INSRR: variants seen among roughly 807,000 people sequenced by gnomAD.
The protein encoded by INSRR is insulin receptor related receptor.
A neutral mutation model predicts 130.0 loss-of-function variants in INSRR; 114 were observed. That is an observed-to-expected ratio of 0.88 (90% CI 0.75 to 1.02). The LOEUF is 1.02. Among genes scored for constraint, INSRR ranks in the 50% least tolerant of loss-of-function variants. The probability of loss-of-function intolerance (pLI) is 0.00; values close to 1 mark genes in which losing one functional copy is unlikely to be tolerated. For missense variants in INSRR, 1,657 were observed against 1,735.2 expected, an observed-to-expected ratio of 0.95 and a Z score of 0.80; for synonymous variants, 674 against 705.2, an observed-to-expected ratio of 0.96 and a Z score of 0.70.
rs572969335 is a variant in INSRR, at chr1:156,845,315, A to G, written c.2217-19T>C. 5.6e-6 allele frequency: 9 copies of G among 1,611,446 alleles called. No individual in the cohort carries two copies. In the South Asian group the frequency reaches 8.8e-5, roughly 16 times the overall value. ...TGAGTCCCTGGGGAGAGCGAGTCAG[A>G]GCCAAGGCCCAGCCCCCAAAGCCAC... On this transcript the variant is annotated intron_variant, in intron 11 of 21. Transcript: ENST00000368195.
In INSRR at chr1:156,840,759, C is replaced by T. The variant is rs956969953; in HGVS notation, c.*114G>A. Reference sequence around the variant, plus strand: ...CTGCTCCTGTTCTCTGCCCCACCCTCGGCCATCCCTTGCCCTGAGTTGGGG... The same window carrying T: ...CTGCTCCTGTTCTCTGCCCCACCCTTGGCCATCCCTTGCCCTGAGTTGGGG... On this transcript the variant is annotated 3_prime_UTR_variant, in exon 22 of 22. Transcript: ENST00000368195. 156 of 803,758 alleles carry T rather than the reference C, an allele frequency of 1.9e-4. No individual in the cohort carries two copies. In the East Asian group the frequency reaches 3.5e-3, roughly 18 times the overall value. 49.8% of individuals were successfully genotyped at this position (803,758 alleles called of 1,614,324 possible).
chr1:156,845,197 C>T lies in INSRR; in HGVS notation c.2316G>A (p.Ala772=), dbSNP rs752160329. The change falls in exon 12 of 22, where the codon GCG becomes GCA. Residue 772 remains alanine, a synonymous_variant. Transcript: ENST00000368195. ...IQEDKVPRER[A]VLSGLRHFTE... Reference sequence around the variant, plus strand: ...TGAAGTGGCGCAGGCCGCTCAGCACCGCTCGCTCACGGGGCACCTTGTCCT... The same window carrying T: ...TGAAGTGGCGCAGGCCGCTCAGCACTGCTCGCTCACGGGGCACCTTGTCCT... The T allele has an allele frequency of 5.0e-6, 8 of 1,609,278 alleles. No individual in the cohort carries two copies. In the East Asian group the frequency reaches 1.3e-4, roughly 27 times the overall value.
chr1:156,850,298 G>T (rs1655156271), intron 5 of INSRR, among the ~76,000 whole-genome samples: 1 of 151,984 alleles, frequency 6.6e-6, no homozygotes, highest in South Asian at 2.1e-4. Context: ...TGTAACCCCT[G>T]TCTCCCAGGT....
intron 2 of INSRR, among the ~76,000 whole-genome samples, 196 bp downstream of exon 2, chr1:156,853,556 A>G (rs2102869332): frequency 6.6e-6 from 1 of 152,114 alleles, no homozygotes. Context: ...CCTTGGGCCT[A>G]CCCCTTAGCT....
chr1:156,846,299 C>T (rs1006827024), intron 8 of INSRR, among the ~76,000 whole-genome samples, 180 bp from the exon 9 acceptor site: 1 of 151,996 alleles, frequency 6.6e-6, no homozygotes, highest in Non-Finnish European at 1.5e-5. Context: ...TGCCATAGGC[C>T]CTTCAGTTCC....
rs767505638 is a variant in INSRR at position 156,844,593 on chromosome 1, C to G, written c.2606G>C (p.Arg869Pro). 1 of 1,614,158 alleles carries G rather than the reference C, an allele frequency of 6.2e-7. No individual in the cohort carries two copies. Among genetic ancestry groups the G allele is most frequent in the Non-Finnish European group, 8.5e-7 (1 of 1,180,016 alleles). Residue 869 changes from arginine to proline, a missense_variant, in exon 14 of 22, where the codon CGA becomes CCA. Physicochemically the swap from Arg to Pro is moderately radical, Grantham distance 103. Coordinates refer to ENST00000368195, the MANE Select transcript of INSRR (RefSeq NM_014215.3). The stretch of plus-strand genomic sequence containing the variant: ...GTGGACTCCCCCAAACTTCGCATAT[C>G]GAAGACGGGACACACACAGCACTGT... ...EATVLCVSRL[R>P]YAKFGGVHLA... is the part of the protein sequence containing the mutation.
chr1:156,846,164 C>A lies in INSRR; in HGVS notation c.1811-45G>T, dbSNP rs374332769. On this transcript the variant is annotated intron_variant, in intron 8 of 21. Coordinates refer to ENST00000368195, the MANE Select transcript of INSRR (RefSeq NM_014215.3). Reference sequence around the variant, plus strand: ...GCAACTCAGGGGTGTGGGTCTTCCTCCTGAATACTATCTAGTAATGAGCCC... The same window carrying A: ...GCAACTCAGGGGTGTGGGTCTTCCTACTGAATACTATCTAGTAATGAGCCC... 2.0e-6 allele frequency: 3 copies of A among 1,524,340 alleles called. No individual in the cohort carries two copies. The African/African-American group carries it at 4.1e-5, about 21-fold the overall frequency. The allele number at this position is 1,524,340 out of a possible 1,614,324, so 94.4% of individuals were successfully genotyped here.
At chr1:156,849,504 A>AGGGGGGGGAG in intron 5 of INSRR, 44 bp from the exon 6 acceptor site, 2 of 243,706 alleles carry the variant, frequency 8.2e-6, no homozygotes, top group Admixed American at 5.1e-5. Flanking sequence ...AGGTGGGGGC[A>AGGGGGGGGAG]GGGGGTGGGA....
Position 156,845,160 on chromosome 1 carries a change from T to A in INSRR, c.2353A>T (p.Ile785Phe), listed in dbSNP as rs1434962915. The change falls in exon 12 of 22, where the codon ATC becomes TTC. Residue 785 changes from isoleucine (I) to phenylalanine (F), a missense_variant. Transcript: ENST00000368195. ...SGLRHFTEYR[I>F]DIHACNHAAH... Reference sequence around the variant, plus strand: ...GCGTGGTTGCAGGCATGGATGTCGATCCGGTATTCCGTGAAGTGGCGCAGG... The same window carrying A: ...GCGTGGTTGCAGGCATGGATGTCGAACCGGTATTCCGTGAAGTGGCGCAGG... 17 of 1,611,586 alleles carry A rather than the reference T, an allele frequency of 1.1e-5. No homozygotes were observed. Among genetic ancestry groups the A allele is most frequent in the Non-Finnish European group, 1.4e-5 (17 of 1,179,230 alleles).
At position 156,857,850 on chromosome 1, in the gene INSRR, T is replaced by G. The variant is rs139971541; in HGVS notation, c.85+687A>C. On this transcript the variant is annotated intron_variant, in intron 1 of 21. Coordinates refer to ENST00000368195, the MANE Select transcript of INSRR (RefSeq NM_014215.3). The stretch of plus-strand genomic sequence containing the variant: ...CCTTCCCTTTTTGAAGCTTCCACCC[T>G]CAGCTCTTTTTCCTCTTTCCACCAA... 7.9e-5 allele frequency among the ~76,000 whole-genome samples: 12 copies of G among 152,308 alleles called. No individual in the cohort carries two copies. The East Asian group carries it at 2.1e-3, about 27-fold the overall frequency.
chr1:156,843,288 C>G, intron 16 of INSRR, 55 bp from the exon 17 acceptor site: 2 of 1,570,860 alleles, frequency 1.3e-6, no homozygotes, highest in East Asian at 4.5e-5. Context: ...CCACACCTCA[C>G]CCCCCAACTT....
At position 156,846,677 on chromosome 1, in the gene INSRR, G is replaced by A. The variant is rs748609917; in HGVS notation, c.1652C>T (p.Pro551Leu). Residue 551 changes from proline (P) to leucine (L), a missense_variant, in exon 8 of 22, where the codon CCC becomes CTC. By Grantham distance (98) the Pro-to-Leu change is moderately conservative (BLOSUM62 -3). Coordinates refer to ENST00000368195, the MANE Select transcript of INSRR (RefSeq NM_014215.3). ...QSWNLLDVEL[P>L]LSRTQEPGVT... ...CCCTGGCTCCTGGGTGCGGCTTAGGGGCAGCTCCACATCCAGCAGGTTCCA... is the reference window on the plus strand; with the variant it reads ...CCCTGGCTCCTGGGTGCGGCTTAGGAGCAGCTCCACATCCAGCAGGTTCCA... The A allele has an allele frequency of 1.9e-6, 3 of 1,614,178 alleles. No individual in the cohort carries two copies. The highest frequency in any genetic ancestry group is 3.3e-5 in the Admixed American group (2 of 60,016).
At chr1:156,857,566 A>G (rs1655454024) in intron 1 of INSRR, among the ~76,000 whole-genome samples, 1 of 152,154 alleles carries the variant, frequency 6.6e-6, no homozygotes, top group Non-Finnish European at 1.5e-5. Flanking sequence ...TGTGCAGAAG[A>G]GGAGGGGGTT....
chr1:156,858,735 G>A lies in INSRR; in HGVS notation c.-114C>T. 1.3e-5 allele frequency: 11 copies of A among 840,888 alleles called. No individual in the cohort carries two copies. Among genetic ancestry groups the A allele is most frequent in the Non-Finnish European group, 2.2e-5 (11 of 496,002 alleles). 52.1% of individuals were successfully genotyped at this position (840,888 alleles called of 1,614,324 possible). ...CCAGGGTTCAGATAGGAGAGGGAGG[G>A]CAGGGGCAGAGAGACAAGGAATCCC... On this transcript the variant is annotated 5_prime_UTR_variant, in exon 1 of 22. Coordinates refer to ENST00000368195, the MANE Select transcript of INSRR (RefSeq NM_014215.3).
At chr1:156,847,615 G>A (rs1239508988) in intron 7 of INSRR, among the ~76,000 whole-genome samples, 3 of 152,138 alleles carry the variant, frequency 2.0e-5, no homozygotes, top group East Asian at 1.9e-4. Context: ...GTGGCCCAGC[G>A]GGAAGTGCCT....
At position 156,845,759 on chromosome 1, in the gene INSRR, A is replaced by G. The variant is rs781711293; in HGVS notation, c.2034T>C (p.Asp678=). 1 of 1,613,218 alleles carries G rather than the reference A, an allele frequency of 6.2e-7. No homozygotes were observed. The highest frequency in any genetic ancestry group is 1.7e-5 in the Admixed American group (1 of 59,988). Residue 678 remains aspartate (D), a synonymous_variant, in exon 10 of 22, where the codon GAT becomes GAC. Coordinates refer to ENST00000368195, the MANE Select transcript of INSRR (RefSeq NM_014215.3). ...NDPRFDGEDG[D]PEAEMESDCC... is the part of the protein sequence containing the mutation. ...AGTCGGACTCCATCTCGGCCTCAGGATCCCCGTCTTCGCCGTCGAAGCGCG... is the reference window on the plus strand; with the variant it reads ...AGTCGGACTCCATCTCGGCCTCAGGGTCCCCGTCTTCGCCGTCGAAGCGCG...
Position 156,853,807 on chromosome 1 carries a change from G to A in INSRR, c.582C>T (p.Thr194=), listed in dbSNP as rs1444326413. ...TGTAGTCAGTGTGCCCGCTGAAGGT[G>A]GTCTTGGCACAGGGCTCACCAGCAG... The part of the protein sequence containing the change: ...LGAAGEPCAK[T]TFSGHTDYRC... Residue 194 remains threonine, a synonymous_variant, in exon 2 of 22, where the codon ACC becomes ACT. Transcript: ENST00000368195. 1.2e-6 allele frequency: 2 copies of A among 1,612,410 alleles called. No individual in the cohort carries two copies. Among genetic ancestry groups the A allele is most frequent in the Non-Finnish European group, 1.7e-6 (2 of 1,178,806 alleles).
chr1:156,843,296 C>T lies in INSRR; in HGVS notation c.2897-63G>A, dbSNP rs142931855. ...CTCTCTGCCACACCTCACCCCCCAA[C>T]TTCTCTTCTCCTCTTCTGAAGGGCT... On this transcript the variant is annotated intron_variant, in intron 16 of 21. Coordinates refer to ENST00000368195, the MANE Select transcript of INSRR (RefSeq NM_014215.3). The T allele has an allele frequency of 8.0e-4, 1,267 of 1,574,034 alleles. 1 individual carries two copies. Among genetic ancestry groups the T allele is most frequent in the Middle Eastern group, 7.3e-3 (44 of 5,992 alleles).
Position 156,841,533 on chromosome 1 carries a change from G to A in INSRR, c.3528-5C>T, listed in dbSNP as rs771886063. 7 of 1,613,836 alleles carry A rather than the reference G, an allele frequency of 4.3e-6. No individual in the cohort carries two copies. The highest frequency in any genetic ancestry group is 1.3e-5 in the African/African-American group (1 of 74,846). On this transcript the variant is annotated splice_region_variant and splice_polypyrimidine_tract_variant and intron_variant, in intron 20 of 21. Transcript: ENST00000368195. ...CAGAGTACCACGCCAAAGGACCTGG[G>A]GGCATGCAGGAGCTCCTGAGCCCAG...
Sources: allele counts gnomAD v4.1 joint callset (sites outside exome capture counted in the v4.1 genomes callset), GRCh38; gene constraint gnomAD v4.1.1; transcripts MANE v1.5; gene names NCBI Gene and HGNC (gene_info 2026-07-23, HGNC 2026-07-21).